ZFYVE16: variants seen among roughly 807,000 people sequenced by gnomAD.
The protein encoded by ZFYVE16 is zinc finger FYVE-type containing 16.
In ZFYVE16, 89 loss-of-function variants were observed where a neutral mutation model predicts 138.1. The observed-to-expected ratio is 0.64, with a 90% CI of 0.54 to 0.77. ZFYVE16 has a LOEUF of 0.77. Among genes scored for constraint, ZFYVE16 ranks in the 30% least tolerant of loss-of-function variants. ZFYVE16 has a pLI of 0.00. For synonymous variants in ZFYVE16, 596 were observed against 618.3 expected, an observed-to-expected ratio of 0.96 and a Z score of 0.53; for missense variants, 1,793 against 1,786.7, an observed-to-expected ratio of 1.00 and a Z score of -0.06.
chr5:80,433,439 G>T (rs1749400772), intron 2 of ZFYVE16, among the ~76,000 whole-genome samples: 1 of 152,180 alleles, frequency 6.6e-6, no homozygotes, highest in Non-Finnish European at 1.5e-5. Flanking sequence ...GCCTGTCGTG[G>T]TGTGGGGAGA....
chr5:80,482,314 G>A lies in ZFYVE16; in HGVS notation c.*4937G>A, dbSNP rs1302195995. The A allele has an allele frequency of 6.6e-6, 1 of 152,186 alleles. No homozygotes were observed. Among genetic ancestry groups the A allele is most frequent in the Non-Finnish European group, 1.5e-5 (1 of 68,024 alleles). 9.4% of individuals were successfully genotyped at this position (152,186 alleles called of 1,614,324 possible). ...TGGAAGGTCTCAACACAATGAAGAT[G>A]ACTGAGGGAAGAGTCAGTAAATTTG... On this transcript the variant is annotated 3_prime_UTR_variant, in exon 19 of 19. Coordinates refer to ENST00000505560, the MANE Select transcript of ZFYVE16 (RefSeq NM_001284236.3).
At position 80,436,865 on chromosome 5, in the gene ZFYVE16, A is replaced by G. The variant is rs373729351; in HGVS notation, c.180A>G (p.Gln60=). The change falls in exon 4 of 19, where the codon CAA becomes CAG. Residue 60 remains glutamine, a synonymous_variant. Transcript: ENST00000505560. ...GAACTTCATTGCTCCCAAAAGACCA[A>G]GAGTGCGTTAATAGTTGTGCCTCAT... ...SQRTSLLPKD[Q]ECVNSCASSE... 334 of 1,614,182 alleles carry G rather than the reference A, an allele frequency of 2.1e-4. No homozygotes were observed. The highest frequency in any genetic ancestry group is 2.6e-4 in the Non-Finnish European group (310 of 1,180,030).
rs1423097321 is a variant in ZFYVE16, at chr5:80,449,618, A to T, written c.3131A>T (p.His1044Leu). The change falls in exon 9 of 19, where the codon CAT becomes CTT. Residue 1044 changes from histidine (H) to leucine (L), a missense_variant. Coordinates refer to ENST00000505560, the MANE Select transcript of ZFYVE16 (RefSeq NM_001284236.3). ...SVPVVEEHPS[H>L]EQIILLLEGE... ...CCTGTAGTAGAAGAACATCCATCTC[A>T]TGAGCAGATCATTTTGCTTCTTGAA... The T allele has an allele frequency of 1.9e-6, 3 of 1,607,762 alleles. No individual in the cohort carries two copies. In the African/African-American group the frequency reaches 4.0e-5, roughly 22 times the overall value.
chr5:80,469,807 A>AT (rs1213639996), intron 15 of ZFYVE16, among the ~76,000 whole-genome samples: 1 of 52,806 alleles, frequency 1.9e-5, no homozygotes, highest in African/African-American at 3.2e-5. Context: ...ATGTTCTCCA[A>AT]TTATTTTTTT....
At chr5:80,470,093 G>A (rs868458739) in intron 15 of ZFYVE16, among the ~76,000 whole-genome samples, 2,785 of 60,704 alleles carry the variant, frequency 0.046, 69 homozygotes, top group Middle Eastern at 0.12. Flanking sequence ...GTGTGTGTGT[G>A]TGTGTGTATT....
In ZFYVE16 at chr5:80,477,228, C is replaced by T; in HGVS notation, c.4471C>T (p.Gln1491Ter). Residue 1491 changes from glutamine (Q) to a stop codon, truncating the protein, a stop_gained, in exon 19 of 19, where the codon CAG becomes TAG. Coordinates refer to ENST00000505560, the MANE Select transcript of ZFYVE16 (RefSeq NM_001284236.3). LOFTEE classifies it high-confidence loss of function. ...TTTTTTTTTTTTCTAGGTTGAATTT[C>T]AGGCAGGATCTGAAGGCCAACTTCT... ...VSIDTDMVEFQAGSEGQLLPQ... is the reference protein window; with the variant it reads ...VSIDTDMVEF 1.3e-6 allele frequency: 2 copies of T among 1,587,094 alleles called. No homozygotes were observed. Among genetic ancestry groups the T allele is most frequent in the Admixed American group, 1.8e-5 (1 of 54,782 alleles).
At position 80,457,804 on chromosome 5, in the gene ZFYVE16, G is replaced by A. The variant is rs759963345; in HGVS notation, c.3943+712G>A. ...GAACTTTGGGAGGCTGAGGTGAGCG[G>A]ATCACAAGGTCAAGAATTGAGACCA... On this transcript the variant is annotated intron_variant, in intron 14 of 18. Coordinates refer to ENST00000505560, the MANE Select transcript of ZFYVE16 (RefSeq NM_001284236.3). 6.6e-5 allele frequency among the ~76,000 whole-genome samples: 10 copies of A among 151,050 alleles called. No individual in the cohort carries two copies. The South Asian group carries it at 2.0e-3, about 30-fold the overall frequency.
Position 80,438,242 on chromosome 5 carries a change from T to C in ZFYVE16, c.1557T>C (p.Asp519=), listed in dbSNP as rs776531026. The stretch of plus-strand genomic sequence containing the variant: ...AAGACTTAGATTACTTTAATATTGA[T>C]GAAGGCGCAAAAAGTGGCCCACTAA... ...DGQDLDYFNI[D]EGAKSGPLIS... The change falls in exon 4 of 19, where the codon GAT becomes GAC. Residue 519 remains aspartate, a synonymous_variant. Coordinates refer to ENST00000505560, the MANE Select transcript of ZFYVE16 (RefSeq NM_001284236.3). 20 of 1,614,004 alleles carry C rather than the reference T, an allele frequency of 1.2e-5. No individual in the cohort carries two copies. Among genetic ancestry groups the C allele is most frequent in the Non-Finnish European group, 1.7e-5 (20 of 1,179,942 alleles).
At position 80,445,322 on chromosome 5, in the gene ZFYVE16, G is replaced by A; in HGVS notation, c.2641G>A (p.Glu881Lys). Reference sequence around the variant, plus strand: ...TGCAGATGGTATATTGCCCAATGGTGAAGTTGCAGATACAACAAAATTATC... The same window carrying A: ...TGCAGATGGTATATTGCCCAATGGTAAAGTTGCAGATACAACAAAATTATC... Reference protein sequence around the residue: ...WFADGILPNGEVADTTKLSSG... With the variant: ...WFADGILPNGKVADTTKLSSG... Residue 881 changes from glutamate to lysine, a missense_variant, in exon 7 of 19, where the codon GAA (glutamate) becomes AAA (lysine). Coordinates refer to ENST00000505560, the MANE Select transcript of ZFYVE16 (RefSeq NM_001284236.3). The A allele has an allele frequency of 6.2e-7, 1 of 1,613,962 alleles. No individual in the cohort carries two copies. The highest frequency in any genetic ancestry group is 8.5e-7 in the Non-Finnish European group (1 of 1,179,934).
intron 1 of ZFYVE16, among the ~76,000 whole-genome samples, chr5:80,420,282 T>A (rs892172990): frequency 1.3e-5 from 2 of 151,634 alleles, no homozygotes; most frequent in Admixed American, 6.6e-5. Flanking sequence ...AATTTTTATT[T>A]TTATTATTAT....
At chr5:80,410,877 G>A (rs1009088912) in intron 1 of ZFYVE16, among the ~76,000 whole-genome samples, 1 of 151,566 alleles carries the variant, frequency 6.6e-6, no homozygotes, top group African/African-American at 2.4e-5. Flanking sequence ...CTTAGGAAAC[G>A]TGCTGTACTT....
rs1186874476 is a variant in ZFYVE16, at chr5:80,482,009, CAG to C, written c.*4635_*4636del. On this transcript the variant is annotated 3_prime_UTR_variant, in exon 19 of 19. Coordinates refer to ENST00000505560, the MANE Select transcript of ZFYVE16 (RefSeq NM_001284236.3). The stretch of plus-strand genomic sequence containing the variant: ...TAATTTTTTGTATTTTTAATAGAGA[CAG>C]AGTTTCACCACGTTGGCCAGGCTGG... Among the ~76,000 whole-genome samples, 2 of 152,098 alleles carry C rather than the reference CAG, an allele frequency of 1.3e-5. No homozygotes were observed. Among genetic ancestry groups the C allele is most frequent in the African/African-American group, 2.4e-5 (1 of 41,422 alleles).
At chr5:80,441,287 T>A (rs1229261050) in intron 5 of ZFYVE16, 3 of 985,300 alleles carry the variant, frequency 3.0e-6, no homozygotes, top group East Asian at 1.1e-4. Context: ...ATATTTTGAC[T>A]CTAAGGGTCC....
chr5:80,428,621 G>A (rs1268962751), intron 2 of ZFYVE16, among the ~76,000 whole-genome samples: 1 of 152,242 alleles, frequency 6.6e-6, no homozygotes, highest in Non-Finnish European at 1.5e-5. Flanking sequence ...ACTTTGATGA[G>A]TTGAGAGAAG....
chr5:80,455,988 G>T, intron 12 of ZFYVE16: 1 of 482,614 alleles, frequency 2.1e-6, no homozygotes. Flanking sequence ...ACGTGTACCT[G>T]ATTCTAAGTG....
intron 1 of ZFYVE16, among the ~76,000 whole-genome samples, chr5:80,408,828 A>C (rs1430566914): frequency 6.6e-6 from 1 of 152,238 alleles, no homozygotes; most frequent in Admixed American, 6.5e-5. Context: ...CAGTCCATAC[A>C]TTTGATATTA....
At chr5:80,441,361 A>T (rs1374791841) in intron 5 of ZFYVE16, 40 of 985,338 alleles carry the variant, frequency 4.1e-5, no homozygotes, top group Non-Finnish European at 4.7e-5. Flanking sequence ...GCTTTGGTTT[A>T]TCAAAGAAAA....
At chr5:80,465,424 T>TG (rs1753639151) in intron 15 of ZFYVE16, among the ~76,000 whole-genome samples, 1 of 136,300 alleles carries the variant, frequency 7.3e-6, no homozygotes, top group South Asian at 2.4e-4. Context: ...TTTTTTTTTT[T>TG]GAGACAGGAT....
chr5:80,439,876 C>A, intron 4 of ZFYVE16, 60 bp from the exon 5 acceptor site: 1 of 1,421,584 alleles, frequency 7.0e-7, no homozygotes, highest in South Asian at 1.3e-5. Context: ...CCCCACACTG[C>A]CTCTAGTAGG....
Sources: gnomAD v4.1 joint callset for allele counts (sites outside exome capture counted in the v4.1 genomes callset) on GRCh38, gnomAD v4.1.1 for gene constraint, MANE v1.5 for transcripts, NCBI Gene and HGNC (gene_info 2026-07-23, HGNC 2026-07-21) for gene names.